The following AKAP13 variants were observed in gnomAD, a reference collection of about 807,000 sequenced individuals.
AKAP13 encodes A-kinase anchor protein 13.
A neutral mutation model predicts 264.5 loss-of-function variants in AKAP13; 80 were observed. The ratio of observed to expected loss-of-function variants is 0.30; its 90% CI spans 0.25 to 0.36. The LOEUF is 0.36. Among genes scored for constraint, AKAP13 ranks in the 10% least tolerant of loss-of-function variants. The probability of loss-of-function intolerance (pLI) is 1.00; values close to 1 mark genes in which losing one functional copy is unlikely to be tolerated. For missense variants in AKAP13, 3,712 were observed against 3,435.2 expected (o/e 1.08, Z -2.01); for synonymous variants, 1,380 against 1,250.2 (o/e 1.10, Z -2.19).
At chr15:85,413,973 A>G (rs2072108954) in intron 1 of AKAP13, among the ~76,000 whole-genome samples, 1 of 152,186 alleles carries the variant, frequency 6.6e-6, no homozygotes, top group Non-Finnish European at 1.5e-5. Flanking sequence ...ATACTCATTC[A>G]ACTTTCATTG....
intron 1 of AKAP13, among the ~76,000 whole-genome samples, chr15:85,438,883 A>G (rs1304826269): frequency 2.7e-5 from 4 of 149,272 alleles, no homozygotes; most frequent in African/African-American, 4.9e-5. Context: ...AAACCTAGGC[A>G]TTACCATTCA....
intron 12 of AKAP13, chr15:85,662,506 A>C: frequency 6.2e-7 from 1 of 1,607,954 alleles, no homozygotes. Flanking sequence ...AAAATACGCC[A>C]TCAGGGCTTT....
chr15:85,404,120 A>G (rs749802527), intron 1 of AKAP13, among the ~76,000 whole-genome samples: 9 of 152,218 alleles, frequency 5.9e-5, no homozygotes, highest in African/African-American at 2.2e-4. Flanking sequence ...TACACACATC[A>G]TCAGAAATCA....
At chr15:85,526,242 T>G (rs752247988) in intron 3 of AKAP13, among the ~76,000 whole-genome samples, 1 of 152,094 alleles carries the variant, frequency 6.6e-6, no homozygotes, top group Admixed American at 6.6e-5. Context: ...TGTTATGTCT[T>G]TCTTTTTCTT....
intron 29 of AKAP13, 104 bp from the exon 30 acceptor site, chr15:85,730,409 C>G (rs1416512873): frequency 1.6e-6 from 2 of 1,234,966 alleles, no homozygotes; most frequent in Non-Finnish European, 2.3e-6. Context: ...GGTGTCCTGT[C>G]TTGTCACTTT....
At chr15:85,582,339 A>G (rs1185346531) in intron 7 of AKAP13, among the ~76,000 whole-genome samples, 2 of 151,916 alleles carry the variant, frequency 1.3e-5, no homozygotes, top group Non-Finnish European at 2.9e-5. Flanking sequence ...GCTTATAAAC[A>G]CTCCTGTCTC....
At chr15:85,516,656 C>T (rs960478049) in intron 2 of AKAP13, among the ~76,000 whole-genome samples, 15 of 152,118 alleles carry the variant, frequency 9.9e-5, no homozygotes, top group African/African-American at 3.6e-4. Flanking sequence ...CTCCCCTTTT[C>T]CCCTCTCCTT....
At chr15:85,406,477 A>G (rs187926673) in intron 1 of AKAP13, among the ~76,000 whole-genome samples, 14 of 146,854 alleles carry the variant, frequency 9.5e-5, no homozygotes, top group African/African-American at 3.4e-4. Context: ...TATATACCAT[A>G]TTGCTCGTTG....
chr15:85,417,812 A>G (rs1180166561), intron 1 of AKAP13, among the ~76,000 whole-genome samples: 1 of 152,200 alleles, frequency 6.6e-6, no homozygotes, highest in Non-Finnish European at 1.5e-5. Context: ...CAGGCAGCAC[A>G]AAACCAAGGA....
chr15:85,666,874 G>C (rs1000215789), intron 13 of AKAP13, among the ~76,000 whole-genome samples: 3 of 152,138 alleles, frequency 2.0e-5, no homozygotes, highest in Admixed American at 1.3e-4. Flanking sequence ...TACCACTTTT[G>C]ACAATCCCTT....
chr15:85,622,141 A>G (rs1025463652), intron 8 of AKAP13, among the ~76,000 whole-genome samples: 18 of 152,230 alleles, frequency 1.2e-4, no homozygotes, highest in Non-Finnish European at 2.2e-4. Flanking sequence ...TCTTTATCCC[A>G]TTATTGCTTA....
Position 85,710,621 on chromosome 15 carries a change from C to G in AKAP13, c.5575C>G (p.Pro1859Ala). 6.2e-7 allele frequency: 1 copy of G among 1,613,882 alleles called. No individual in the cohort carries two copies. The highest frequency in any genetic ancestry group is 8.5e-7 in the Non-Finnish European group (1 of 1,179,870). ...SLQAHDTSSL[P>A]TVIMRNKPSQ... is the part of the protein sequence containing the mutation. Reference sequence around the variant, plus strand: ...TCAGGCACATGACACATCATCACTGCCCACGGTCATTATGAGAAACAAGCG... The same window carrying G: ...TCAGGCACATGACACATCATCACTGGCCACGGTCATTATGAGAAACAAGCG... The change falls in exon 19 of 37, where the codon CCC (proline) becomes GCC (alanine). Residue 1859 changes from proline (P) to alanine (A), a missense_variant. Physicochemically the swap from Pro to Ala is conservative, Grantham distance 27. Transcript: ENST00000394518.
rs541494370 is a variant in AKAP13, at chr15:85,569,863, G to A, written c.663-5268G>A. 1.5e-4 allele frequency among the ~76,000 whole-genome samples: 23 copies of A among 151,392 alleles called. No individual in the cohort carries two copies. In the South Asian group the frequency reaches 4.4e-3, roughly 29 times the overall value. ...GAGGCCAAGGCAGGTGGATCACAAG[G>A]TCAGGAGATCAAGACCATCCTGGCT... On this transcript the variant is annotated intron_variant, in intron 5 of 36. Coordinates refer to ENST00000394518, the MANE Select transcript of AKAP13 (RefSeq NM_007200.5).
Position 85,741,184 on chromosome 15 carries a change from G to C in AKAP13, c.7747G>C (p.Asp2583His). Reference protein sequence around the residue: ...KQRSLEKQRQDLANLQKQQAQ... With the variant: ...KQRSLEKQRQHLANLQKQQAQ... ...GCGCAGCCTGGAGAAGCAGCGCCAG[G>C]ACCTGGCCAACCTGCAGAAGCAGCA... The change falls in exon 35 of 37, where the codon GAC (aspartate) becomes CAC (histidine). Residue 2583 changes from aspartate (D) to histidine (H), a missense_variant. By Grantham distance (81) the Asp-to-His change is moderately conservative (BLOSUM62 -1). Around this residue, in one of 3 missense-constraint regions of AKAP13, gnomAD observed 611 missense variants for 539.3 expected, o/e 1.13. Transcript: ENST00000394518. The C allele has an allele frequency of 6.2e-7, 1 of 1,611,836 alleles. No homozygotes were observed. The highest frequency in any genetic ancestry group is 8.5e-7 in the Non-Finnish European group (1 of 1,179,044).
chr15:85,411,424 G>C (rs1434785987), intron 1 of AKAP13, among the ~76,000 whole-genome samples: 1 of 152,138 alleles, frequency 6.6e-6, no homozygotes, highest in Non-Finnish European at 1.5e-5. Flanking sequence ...TCGTGTGATG[G>C]ACATTAAGGT....
intron 17 of AKAP13, among the ~76,000 whole-genome samples, chr15:85,693,847 A>G (rs981644299): frequency 3.3e-5 from 5 of 152,258 alleles, no homozygotes; most frequent in Admixed American, 2.0e-4. Context: ...GTGCTAGATA[A>G]TTTTGGCCAA....
chr15:85,737,951 T>C (rs2088662277), intron 33 of AKAP13, among the ~76,000 whole-genome samples: 1 of 152,146 alleles, frequency 6.6e-6, no homozygotes. Flanking sequence ...GATTTTTCTT[T>C]ATGGCGACTT....
chr15:85,518,671 A>G (rs910342229), intron 2 of AKAP13, among the ~76,000 whole-genome samples: 1 of 152,164 alleles, frequency 6.6e-6, no homozygotes, highest in Admixed American at 6.5e-5. Context: ...GATCTCTACA[A>G]AAATTTAAAA....
intron 23 of AKAP13, 79 bp from the exon 24 acceptor site, chr15:85,721,912 C>A: frequency 6.3e-7 from 1 of 1,579,256 alleles, no homozygotes; most frequent in East Asian, 2.2e-5. Flanking sequence ...ACTTTTACAA[C>A]TAGACTGGAA....
Sources: allele counts gnomAD v4.1 joint callset (sites outside exome capture counted in the v4.1 genomes callset), GRCh38; gene constraint gnomAD v4.1.1; regional missense constraint gnomAD v4.1.1; transcripts MANE v1.5; gene names NCBI Gene and HGNC (gene_info 2026-07-23, HGNC 2026-07-21).